STPG2: variants seen among roughly 807,000 people sequenced by gnomAD.
The protein encoded by STPG2 is sperm tail PG-rich repeat containing 2.
A neutral mutation model predicts 54.2 loss-of-function variants in STPG2; 56 were observed. The ratio of observed to expected loss-of-function variants is 1.03; its 90% CI spans 0.83 to 1.29. STPG2 has a LOEUF of 1.29. Among genes scored for constraint, STPG2 ranks in the 50% most tolerant of loss-of-function variants. The pLI, the probability that STPG2 is intolerant of heterozygous loss-of-function variation, is 0.00. For missense variants in STPG2, 596 were observed against 544.9 expected, an observed-to-expected ratio of 1.09 and a Z score of -0.93; for synonymous variants, 200 against 181.8, an observed-to-expected ratio of 1.10 and a Z score of -0.81.
intron 10 of STPG2, among the ~76,000 whole-genome samples, chr4:97,579,279 C>T (rs1732802392): frequency 6.6e-6 from 1 of 151,984 alleles, no homozygotes; most frequent in African/African-American, 2.4e-5. Context: ...AATACACATA[C>T]ATACACACCC....
intron 5 of STPG2, among the ~76,000 whole-genome samples, chr4:98,065,001 G>GCCTT (rs1737785204): frequency 6.6e-6 from 1 of 152,140 alleles, no homozygotes; most frequent in South Asian, 2.1e-4. Flanking sequence ...CTGGGCTCAA[G>GCCTT]CCTTCCTTCC....
At chr4:97,611,051 A>AATTC (rs1733718332) in intron 10 of STPG2, among the ~76,000 whole-genome samples, 2 of 152,064 alleles carry the variant, frequency 1.3e-5, no homozygotes, top group Non-Finnish European at 2.9e-5. Context: ...TCTCAGATAA[A>AATTC]ATGTAAACAT....
In STPG2 at chr4:97,943,941, C is replaced by T. The variant is rs780077483; in HGVS notation, c.1000G>A (p.Ala334Thr). 1.8e-5 allele frequency: 29 copies of T among 1,595,636 alleles called. No homozygotes were observed. Among genetic ancestry groups the T allele is most frequent in the Non-Finnish European group, 2.5e-5 (29 of 1,174,378 alleles). ...GTTCTTTTGGCTCTTGACAAGAAAG[C>T]AGCATATTTGTTAGTCAAGTTAGGT... Reference protein sequence around the residue: ...ELPNLTNKYAAFLSRAKRTMK... With the variant: ...ELPNLTNKYATFLSRAKRTMK... Residue 334 changes from alanine to threonine, a missense_variant, in exon 8 of 11, where the codon GCT (alanine) becomes ACT (threonine). Coordinates refer to ENST00000295268, the MANE Select transcript of STPG2 (RefSeq NM_174952.3).
At chr4:97,594,496 A>G (rs1431369248) in intron 10 of STPG2, among the ~76,000 whole-genome samples, 1 of 152,194 alleles carries the variant, frequency 6.6e-6, no homozygotes, top group East Asian at 1.9e-4. Context: ...ATATAGGACT[A>G]GGTAAAGAGA....
At chr4:97,687,007 C>G (rs1578480078) in intron 10 of STPG2, among the ~76,000 whole-genome samples, 1 of 151,198 alleles carries the variant, frequency 6.6e-6, no homozygotes, top group South Asian at 2.1e-4. Context: ...GTGGCGCGAT[C>G]TGGGCTCACT....
At chr4:97,530,273 T>C (rs1731384832) in intron 4 of STPG2, among the ~76,000 whole-genome samples, 1 of 152,212 alleles carries the variant, frequency 6.6e-6, no homozygotes, top group South Asian at 2.1e-4. Flanking sequence ...AAATAAGTGA[T>C]TATTTTGTGA....
At chr4:97,586,031 A>G (rs571411950) in intron 10 of STPG2, among the ~76,000 whole-genome samples, 1 of 152,122 alleles carries the variant, frequency 6.6e-6, no homozygotes, top group East Asian at 1.9e-4. Context: ...TAGATGTCAC[A>G]ATTATCTGTA....
At chr4:98,115,827 C>T (rs1176376235) in intron 3 of STPG2, among the ~76,000 whole-genome samples, 1 of 151,966 alleles carries the variant, frequency 6.6e-6, no homozygotes, top group Non-Finnish European at 1.5e-5. Flanking sequence ...AAGCCTTCAG[C>T]TACTGAGCTT....
At chr4:97,620,384 A>G (rs901727641) in intron 10 of STPG2, among the ~76,000 whole-genome samples, 5 of 152,204 alleles carry the variant, frequency 3.3e-5, no homozygotes, top group Admixed American at 2.6e-4. Flanking sequence ...GAGTGAGAAA[A>G]CACAAGGCCT....
chr4:97,862,605 A>G (rs184845086), intron 8 of STPG2, among the ~76,000 whole-genome samples: 1 of 152,156 alleles, frequency 6.6e-6, no homozygotes, highest in African/African-American at 2.4e-5. Context: ...CCTAATAGAC[A>G]TCTGCAGAAC....
intron 8 of STPG2, among the ~76,000 whole-genome samples, chr4:97,899,070 A>G (rs1731068528): frequency 6.6e-6 from 1 of 151,774 alleles, no homozygotes; most frequent in Non-Finnish European, 1.5e-5. Context: ...GATCTAGAAA[A>G]CCCCATAATC....
At chr4:97,924,276 C>A (rs1732251449) in intron 8 of STPG2, among the ~76,000 whole-genome samples, 1 of 152,146 alleles carries the variant, frequency 6.6e-6, no homozygotes, top group Admixed American at 6.5e-5. Flanking sequence ...GTCAGTGAGA[C>A]CAAGAACCCA....
intron 7 of STPG2, among the ~76,000 whole-genome samples, chr4:97,960,351 C>A (rs1733838786): frequency 6.6e-6 from 1 of 152,042 alleles, no homozygotes; most frequent in Non-Finnish European, 1.5e-5. Context: ...CTAGCCAGAG[C>A]AATCAGACAA....
intron 4 of STPG2, chr4:97,463,443 G>A (rs973158112): frequency 1.3e-5 from 2 of 151,956 alleles, no homozygotes; most frequent in Non-Finnish European, 2.9e-5. Context: ...TGTTTTTGTT[G>A]TTTGTTTTTT....
chr4:97,865,299 T>A (rs180976331), intron 8 of STPG2, among the ~76,000 whole-genome samples: 6 of 152,160 alleles, frequency 3.9e-5, no homozygotes, highest in Admixed American at 2.0e-4. Context: ...AAAAGACACT[T>A]CTCAAAAGAA....
intron 4 of STPG2, among the ~76,000 whole-genome samples, chr4:97,547,614 A>C (rs1731862890): frequency 2.0e-5 from 3 of 152,190 alleles, no homozygotes; most frequent in South Asian, 4.1e-4. Flanking sequence ...GATGCGGAGA[A>C]AGACTGAAGG....
chr4:97,965,055 C>T (rs939120185), intron 7 of STPG2, among the ~76,000 whole-genome samples: 90 of 152,298 alleles, frequency 5.9e-4, no homozygotes, highest in African/African-American at 1.3e-3. Flanking sequence ...ACCCAGGAAG[C>T]GCAAGAGGTT....
chr4:97,709,815 CTGT>C (rs1423004380), intron 10 of STPG2, among the ~76,000 whole-genome samples: 3 of 151,750 alleles, frequency 2.0e-5, no homozygotes, highest in Non-Finnish European at 4.4e-5. Flanking sequence ...ATAAAATTTA[CTGT>C]TATTTTAAAT....
chr4:97,706,877 G>A (rs1723960336), intron 10 of STPG2, among the ~76,000 whole-genome samples: 1 of 152,116 alleles, frequency 6.6e-6, no homozygotes, highest in African/African-American at 2.4e-5. Context: ...AGTACTTTGA[G>A]TAGCTTTTTA....
Sources: allele counts gnomAD v4.1 joint callset (sites outside exome capture counted in the v4.1 genomes callset), GRCh38; gene constraint gnomAD v4.1.1; transcripts MANE v1.5; gene names NCBI Gene and HGNC (gene_info 2026-07-23, HGNC 2026-07-21).